The following SYT2 variants were observed in gnomAD, a reference collection of about 807,000 sequenced individuals.
SYT2 encodes synaptotagmin-2.
Under a neutral mutation model 39.9 loss-of-function variants are expected in SYT2, and 15 were observed. The observed-to-expected ratio is 0.38, with a 90% CI of 0.25 to 0.58. The LOEUF (loss-of-function observed/expected upper bound fraction) is 0.58. Among genes scored for constraint, SYT2 ranks in the 20% least tolerant of loss-of-function variants. SYT2 has a pLI of 0.70. For synonymous variants in SYT2, 181 were observed against 204.5 expected (o/e 0.89, Z 0.98); for missense variants, 389 against 530.3 (o/e 0.73, Z 2.62).
intron 1 of SYT2, among the ~76,000 whole-genome samples, chr1:202,680,706 C>T (rs1231097682): frequency 6.6e-6 from 1 of 152,214 alleles, no homozygotes; most frequent in Non-Finnish European, 1.5e-5. Flanking sequence ...CCCCTCTCTG[C>T]TTTTCTCCAT....
chr1:202,692,135 G>A (rs866992945), intron 1 of SYT2, among the ~76,000 whole-genome samples: 3 of 152,048 alleles, frequency 2.0e-5, no homozygotes, highest in East Asian at 1.9e-4. Flanking sequence ...GTGTCACTGC[G>A]ACAGAGGGAG....
At chr1:202,658,670 T>A (rs1225694801) in intron 1 of SYT2, among the ~76,000 whole-genome samples, 1 of 127,024 alleles carries the variant, frequency 7.9e-6, no homozygotes, top group African/African-American at 2.6e-5. Flanking sequence ...GGATTTTTTT[T>A]ATTAGTTTTT....
chr1:202,613,690 C>T (rs963131292), intron 1 of SYT2, among the ~76,000 whole-genome samples: 1 of 152,088 alleles, frequency 6.6e-6, no homozygotes, highest in Admixed American at 6.6e-5. Flanking sequence ...CTACCCTTGC[C>T]GCTGGATTGG....
rs754458809 is a variant in SYT2 at position 202,602,537 on chromosome 1, C to T, written c.474G>A (p.Val158=). ...GCAGTTCAGCAGCCTGCAGAACGCCCACAGTAAGCTGTGGAGAGAGATGGG... is the reference window on the plus strand; with the variant it reads ...GCAGTTCAGCAGCCTGCAGAACGCCTACAGTAAGCTGTGGAGAGAGATGGG... The part of the protein sequence containing the change: ...DYDFQANQLT[V]GVLQAAELPA... Residue 158 remains valine, a synonymous_variant, in exon 5 of 9, where the codon GTG becomes GTA. Coordinates refer to ENST00000367268, the MANE Select transcript of SYT2 (RefSeq NM_177402.5). 1.2e-6 allele frequency: 2 copies of T among 1,612,428 alleles called. No individual in the cohort carries two copies. The highest frequency in any genetic ancestry group is 1.7e-6 in the Non-Finnish European group (2 of 1,179,432).
Position 202,602,057 on chromosome 1 carries a change from C to T in SYT2, c.634G>A (p.Val212Met), listed in dbSNP as rs755630064. The change falls in exon 6 of 9, where the codon GTG (valine) becomes ATG (methionine). Residue 212 changes from valine (V) to methionine (M), a missense_variant and splice_region_variant. Physicochemically the swap from Val to Met is conservative, Grantham distance 21. Coordinates refer to ENST00000367268, the MANE Select transcript of SYT2 (RefSeq NM_177402.5). Reference protein sequence around the residue: ...PAFNETFTFKVPYQELGGKTL... With the variant: ...PAFNETFTFKMPYQELGGKTL... ...TTGCCCCCAAGCTCCTGGTATGGCACCTGCAGGGCACAAGCAGAATCAGAG... is the reference window on the plus strand; with the variant it reads ...TTGCCCCCAAGCTCCTGGTATGGCATCTGCAGGGCACAAGCAGAATCAGAG... 1.9e-6 allele frequency: 3 copies of T among 1,613,946 alleles called. No individual in the cohort carries two copies. The highest frequency in any genetic ancestry group is 2.5e-6 in the Non-Finnish European group (3 of 1,179,906).
chr1:202,706,177 T>A (rs1654245611), intron 1 of SYT2, among the ~76,000 whole-genome samples: 1 of 152,000 alleles, frequency 6.6e-6, no homozygotes, highest in Admixed American at 6.5e-5. Context: ...AAATGAAGGA[T>A]TGCTGGGACA....
rs1242061742 is a variant in SYT2, at chr1:202,591,005, C to T, written c.*5752G>A. On this transcript the variant is annotated 3_prime_UTR_variant, in exon 9 of 9. Transcript: ENST00000367268. ...ATGCACACTGCTCCCATCACCTCACCAGACAGATGCTCTCTCAACTCTTGC... is the reference window on the plus strand; with the variant it reads ...ATGCACACTGCTCCCATCACCTCACTAGACAGATGCTCTCTCAACTCTTGC... 1 of 152,272 alleles carries T rather than the reference C, an allele frequency of 6.6e-6. No homozygotes were observed. Among genetic ancestry groups the T allele is most frequent in the Non-Finnish European group, 1.5e-5 (1 of 68,106 alleles). The allele number at this position is 152,272 out of a possible 1,614,324, so 9.4% of individuals were successfully genotyped here. A position where few individuals can be genotyped will look rare whatever the true frequency, so the allele number is the denominator to read the frequency against.
intron 3 of SYT2, 73 bp from the exon 4 acceptor site, chr1:202,603,191 C>G: frequency 6.4e-7 from 1 of 1,573,242 alleles, no homozygotes; most frequent in African/African-American, 1.3e-5. Flanking sequence ...CACAGGATGA[C>G]GGGAAACCAG....
At chr1:202,617,388 G>A (rs1485540462) in intron 1 of SYT2, among the ~76,000 whole-genome samples, 1 of 151,468 alleles carries the variant, frequency 6.6e-6, no homozygotes, top group East Asian at 1.9e-4. Flanking sequence ...CCACTCCCTC[G>A]CCTCTTCCTC....
At chr1:202,631,430 T>A (rs942793186) in intron 1 of SYT2, among the ~76,000 whole-genome samples, 2 of 152,158 alleles carry the variant, frequency 1.3e-5, no homozygotes, top group African/African-American at 4.8e-5. Flanking sequence ...ACTTTGCACT[T>A]GAGAAACAGG....
chr1:202,600,485 G>T lies in SYT2; in HGVS notation c.802-11C>A, dbSNP rs1473216448. 6.2e-7 allele frequency: 1 copy of T among 1,613,576 alleles called. No individual in the cohort carries two copies. The highest frequency in any genetic ancestry group is 8.5e-7 in the Non-Finnish European group (1 of 1,179,626). On this transcript the variant is annotated splice_polypyrimidine_tract_variant and intron_variant, in intron 6 of 8. Transcript: ENST00000367268. ...GCCCAGCTTCTCCGGCTGTCCAGGGGAAGAGCAGGACTTGGGTCATCTCAC... is the reference window on the plus strand; with the variant it reads ...GCCCAGCTTCTCCGGCTGTCCAGGGTAAGAGCAGGACTTGGGTCATCTCAC...
intron 1 of SYT2, chr1:202,639,938 C>T (rs909019330): frequency 1.5e-6 from 1 of 658,356 alleles, no homozygotes. Context: ...CTCAAAAACC[C>T]ATCCCTTGTG....
chr1:202,638,040 C>A (rs1052071934), intron 1 of SYT2, among the ~76,000 whole-genome samples: 3 of 152,254 alleles, frequency 2.0e-5, no homozygotes, highest in African/African-American at 7.2e-5. Flanking sequence ...CTTCCTTGTA[C>A]CTCACATGAG....
chr1:202,628,855 A>C lies in SYT2; in HGVS notation c.-17-23066T>G, dbSNP rs547256328. On this transcript the variant is annotated intron_variant, in intron 1 of 8. Coordinates refer to ENST00000367268, the MANE Select transcript of SYT2 (RefSeq NM_177402.5). This position sits in a 1 kb window ranked among gnomAD's most constrained non-coding sequence, Gnocchi z 4.2. ...GTGAATGAGCACCTGGGCTCTGGGC[A>C]GACTGACCTGGACTGGAGTCTCGGC... Among the ~76,000 whole-genome samples, 2 of 152,396 alleles carry C rather than the reference A, an allele frequency of 1.3e-5. No homozygotes were observed. The highest frequency in any genetic ancestry group is 3.9e-4 in the East Asian group (2 of 5,190).
rs969275841 is a variant in SYT2 at position 202,596,733 on chromosome 1, G to A, written c.*24C>T. 1 of 1,604,624 alleles carries A rather than the reference G, an allele frequency of 6.2e-7. No homozygotes were observed. Among genetic ancestry groups the A allele is most frequent in the African/African-American group, 1.3e-5 (1 of 74,806 alleles). On this transcript the variant is annotated 3_prime_UTR_variant, in exon 9 of 9. Coordinates refer to ENST00000367268, the MANE Select transcript of SYT2 (RefSeq NM_177402.5). The stretch of plus-strand genomic sequence containing the variant: ...TGGATCTTGTCAGTGTCCGTGAAAG[G>A]TGTGGGGTCCCAGCCGCTGCTGTCT...
intron 1 of SYT2, among the ~76,000 whole-genome samples, chr1:202,624,766 G>GGTGTGTGGTGT (rs1316798981): frequency 4.8e-5 from 1 of 20,756 alleles, no homozygotes; most frequent in Admixed American, 3.9e-4. Flanking sequence ...GTGTGTGTGT[G>GGTGTGTGGTGT]GTGTGTGGTG....
intron 1 of SYT2, among the ~76,000 whole-genome samples, chr1:202,700,443 C>T (rs144329479): frequency 1.0e-3 from 155 of 152,288 alleles, no homozygotes; most frequent in African/African-American, 2.6e-3. Context: ...TTCTAAGACC[C>T]GTTTATTGAG....
At position 202,614,888 on chromosome 1, in the gene SYT2, C is replaced by T. The variant is rs545515909; in HGVS notation, c.-17-9099G>A. Among the ~76,000 whole-genome samples, 9 of 152,146 alleles carry T rather than the reference C, an allele frequency of 5.9e-5. No homozygotes were observed. The highest frequency in any genetic ancestry group is 5.9e-5 in the Non-Finnish European group (4 of 68,012). ...GGGCAGGATCAGGAGCACCATAGGC[C>T]GCGTCAAGGAGTTTTGTCTTTCCCA... On this transcript the variant is annotated intron_variant, in intron 1 of 8. Coordinates refer to ENST00000367268, the MANE Select transcript of SYT2 (RefSeq NM_177402.5). The surrounding 1 kb of genome is among the most constrained non-coding windows in gnomAD (Gnocchi z 4.0).
chr1:202,626,001 T>TG (rs1691394097), intron 1 of SYT2, among the ~76,000 whole-genome samples: 1 of 152,208 alleles, frequency 6.6e-6, no homozygotes, highest in South Asian at 2.1e-4. Flanking sequence ...TGTATAAACA[T>TG]GCATGAACCA....
Sources: gnomAD v4.1 joint callset for allele counts (sites outside exome capture counted in the v4.1 genomes callset) on GRCh38, gnomAD v4.1.1 for gene constraint, Gnocchi (gnomAD v3.1) non-coding constraint, MANE v1.5 for transcripts, NCBI Gene and HGNC (gene_info 2026-07-23, HGNC 2026-07-21) for gene names.